PRKAG2: variants seen among roughly 807,000 people sequenced by gnomAD.
PRKAG2 encodes the protein 5'-AMP-activated protein kinase subunit gamma-2.
A neutral mutation model predicts 69.6 loss-of-function variants in PRKAG2; 26 were observed. The observed-to-expected ratio is 0.37, with a 90% CI of 0.27 to 0.52. The LOEUF is 0.52. Ranked by LOEUF, PRKAG2 falls within the 20% of genes least tolerant of loss-of-function variation. PRKAG2 has a pLI of 0.90. For synonymous variants in PRKAG2, 293 were observed against 285.0 expected (o/e 1.03, Z -0.28); for missense variants, 557 against 740.0 (o/e 0.75, Z 2.87).
chr7:151,634,249 T>C (rs1420776278), intron 4 of PRKAG2, among the ~76,000 whole-genome samples: 3 of 152,112 alleles, frequency 2.0e-5, no homozygotes, highest in Admixed American at 6.5e-5. Flanking sequence ...GTAAAAGCAA[T>C]AGAACTGGAG....
chr7:151,773,056 AGGGAGGGAGGGAGGGAGG>A (rs2076145095), intron 3 of PRKAG2, among the ~76,000 whole-genome samples: 1 of 28,738 alleles, frequency 3.5e-5, no homozygotes, highest in Non-Finnish European at 6.0e-5. Flanking sequence ...AGAGAGAGGG[AGGGAGGGAGGGAGGGAGG>A]GAGGGAGGGA....
intron 1 of PRKAG2, among the ~76,000 whole-genome samples, chr7:151,855,942 G>GA (rs1368782790): frequency 6.6e-6 from 1 of 152,194 alleles, no homozygotes; most frequent in Non-Finnish European, 1.5e-5. Flanking sequence ...TTGAAAGGAG[G>GA]AAAAACAGTA....
At chr7:151,700,951 T>A (rs1837583780) in intron 3 of PRKAG2, among the ~76,000 whole-genome samples, 2 of 152,228 alleles carry the variant, frequency 1.3e-5, no homozygotes, top group Admixed American at 6.5e-5. Flanking sequence ...CCCAGGCATT[T>A]CCACACAGGC....
intron 3 of PRKAG2, among the ~76,000 whole-genome samples, chr7:151,757,136 A>G (rs2075144510): frequency 6.6e-6 from 1 of 152,170 alleles, no homozygotes; most frequent in African/African-American, 2.4e-5. Context: ...GGTGCTCCTC[A>G]GCCCCGGGAG....
At chr7:151,808,565 G>A (rs1420662659) in intron 1 of PRKAG2, among the ~76,000 whole-genome samples, 2 of 150,868 alleles carry the variant, frequency 1.3e-5, no homozygotes, top group Non-Finnish European at 3.0e-5. Flanking sequence ...AACGTGTACT[G>A]TAACAAGAGA....
intron 8 of PRKAG2, 128 bp downstream of exon 8, chr7:151,574,763 C>G (rs1039517337): frequency 2.3e-6 from 3 of 1,321,012 alleles, no homozygotes; most frequent in Admixed American, 2.6e-5. Context: ...GGAAAATCAC[C>G]ATCAGCACAC....
At chr7:151,670,897 C>T (rs530472564) in intron 4 of PRKAG2, among the ~76,000 whole-genome samples, 13 of 81,172 alleles carry the variant, frequency 1.6e-4, no homozygotes, top group Admixed American at 1.0e-3. Flanking sequence ...GTTGGCCGCG[C>T]GTGGTTGGCT....
At chr7:151,792,687 G>A (rs1323261205) in intron 1 of PRKAG2, among the ~76,000 whole-genome samples, 2 of 152,232 alleles carry the variant, frequency 1.3e-5, no homozygotes, top group African/African-American at 4.8e-5. Flanking sequence ...GGCCCACGAT[G>A]GCCCCCACCT....
rs1265668637 is a variant in PRKAG2, at chr7:151,781,396, T to C, written c.222A>G (p.Lys74=). The change falls in exon 3 of 16, where the codon AAA becomes AAG. Residue 74 remains lysine (K), a synonymous_variant. Coordinates refer to ENST00000287878, the MANE Select transcript of PRKAG2 (RefSeq NM_016203.4). The surrounding 1 kb of genome is among the most constrained non-coding windows in gnomAD (Gnocchi z 6.1). ...DSPFGPGSPS[K]GFFSRGPQPR... ...GCTGGGGGCCTCTGGAGAAGAACCC[T>C]TTGGAGGGGCTGCCCGGGCCGAAGG... 4.3e-6 allele frequency: 7 copies of C among 1,611,766 alleles called. No homozygotes were observed. The highest frequency in any genetic ancestry group is 5.1e-6 in the Non-Finnish European group (6 of 1,179,220).
intron 3 of PRKAG2, among the ~76,000 whole-genome samples, chr7:151,677,136 T>C (rs1033662565): frequency 4.6e-5 from 7 of 152,190 alleles, no homozygotes; most frequent in East Asian, 1.9e-4. Flanking sequence ...ATGCATGGAT[T>C]GTGTTCTAAG....
At chr7:151,629,274 G>T (rs1823790277) in intron 5 of PRKAG2, among the ~76,000 whole-genome samples, 1 of 152,128 alleles carries the variant, frequency 6.6e-6, no homozygotes, top group Admixed American at 6.5e-5. Context: ...ATTCCAAGAG[G>T]GGTCTGTGAA....
rs530620210 is a variant in PRKAG2 at position 151,638,316 on chromosome 7, G to A, written c.685-6178C>T. ...CCTGAGAAACATGGAGCCATCACAA[G>A]TGTGACTTCTTGGTTGGTAAAAAAT... On this transcript the variant is annotated intron_variant, in intron 4 of 15. Coordinates refer to ENST00000287878, the MANE Select transcript of PRKAG2 (RefSeq NM_016203.4). The surrounding 1 kb of genome is among the most constrained non-coding windows in gnomAD (Gnocchi z 4.3). Among the ~76,000 whole-genome samples, 26 of 152,282 alleles carry A rather than the reference G, an allele frequency of 1.7e-4. 1 individual carries two copies. The South Asian group carries it at 4.8e-3, about 28-fold the overall frequency.
At chr7:151,844,792 C>T (rs576429035) in intron 1 of PRKAG2, among the ~76,000 whole-genome samples, 29 of 152,278 alleles carry the variant, frequency 1.9e-4, no homozygotes, top group Non-Finnish European at 3.5e-4. Flanking sequence ...TAAAACAGTG[C>T]CCGGCACAAA....
intron 5 of PRKAG2, among the ~76,000 whole-genome samples, chr7:151,617,897 T>C (rs1280589313): frequency 6.6e-6 from 1 of 152,228 alleles, no homozygotes; most frequent in African/African-American, 2.4e-5. Context: ...TTATTCTGCA[T>C]TTAGAAATAC....
chr7:151,739,205 A>G (rs933617413), intron 3 of PRKAG2, among the ~76,000 whole-genome samples: 18 of 152,220 alleles, frequency 1.2e-4, no homozygotes, highest in Admixed American at 4.6e-4. Flanking sequence ...GCAACTGCTC[A>G]CGTGATTGGA....
In PRKAG2 at chr7:151,669,806, GCACA is replaced by G. The variant is rs531455865; in HGVS notation, c.684+5610_684+5613del. Among the ~76,000 whole-genome samples, 404 of 88,972 alleles carry G rather than the reference GCACA, an allele frequency of 4.5e-3. 3 individuals are homozygous for G. Among genetic ancestry groups the G allele is most frequent in the African/African-American group, 0.014 (389 of 27,162 alleles). 58.4% of individuals were successfully genotyped at this position (88,972 alleles called of 152,430 possible). Reference sequence around the variant, plus strand: ...CACGCACACACCTGTGCACACACTTGCACACACACACACCTGTGCACCTGCAGGC... The same window carrying G: ...CACGCACACACCTGTGCACACACTTGCACACACACCTGTGCACCTGCAGGC... On this transcript the variant is annotated intron_variant, in intron 4 of 15. Coordinates refer to ENST00000287878, the MANE Select transcript of PRKAG2 (RefSeq NM_016203.4).
chr7:151,722,485 C>T (rs1186621725), intron 3 of PRKAG2, among the ~76,000 whole-genome samples: 5 of 152,186 alleles, frequency 3.3e-5, no homozygotes, highest in Non-Finnish European at 7.3e-5. Flanking sequence ...ACTACCATCA[C>T]TTACCCCAGC....
chr7:151,694,736 T>A (rs1455312349), intron 3 of PRKAG2, among the ~76,000 whole-genome samples: 1 of 152,234 alleles, frequency 6.6e-6, no homozygotes, highest in Non-Finnish European at 1.5e-5. Flanking sequence ...TTGCTCTGTG[T>A]CTCCCAAGAG....
intron 1 of PRKAG2, among the ~76,000 whole-genome samples, chr7:151,873,979 G>A (rs2080282643): frequency 6.7e-6 from 1 of 149,506 alleles, no homozygotes. Context: ...TGTATATGAT[G>A]TATATGTATA....
Sources: gnomAD v4.1 joint callset for allele counts (sites outside exome capture counted in the v4.1 genomes callset) on GRCh38, gnomAD v4.1.1 for gene constraint, Gnocchi (gnomAD v3.1) non-coding constraint, MANE v1.5 for transcripts, NCBI Gene and HGNC (gene_info 2026-07-23, HGNC 2026-07-21) for gene names.